Variants in ABCG5 observed in about 807,000 individuals in gnomAD.
ABCG5 encodes ATP binding cassette subfamily G member 5, also known as ATP-binding cassette sub-family G member 5.
ABCG5 carries 64 observed loss-of-function variants against 64.5 expected under a neutral mutation model. That is an observed-to-expected ratio of 0.99 (90% CI 0.81 to 1.22). ABCG5 has a LOEUF of 1.22. ABCG5 is among the 50% of genes most tolerant of loss of function. The pLI is 0.00. For synonymous variants in ABCG5, 385 were observed against 326.3 expected, an observed-to-expected ratio of 1.18 and a Z score of -1.94; for missense variants, 908 against 829.5, an observed-to-expected ratio of 1.09 and a Z score of -1.16.
chr2:43,838,944 A>G, upstream of ABCG5: 2 of 1,286,028 alleles, frequency 1.6e-6, no homozygotes, highest in Non-Finnish European at 2.2e-6. The surrounding 1 kb of genome is among the most constrained non-coding windows in gnomAD (Gnocchi z 4.2). Context: ...GGCCCAGGGC[A>G]GGAGGCCGAG....
intron 7 of ABCG5, 143 bp downstream of exon 7, chr2:43,824,746 G>C: frequency 6.9e-7 from 1 of 1,447,386 alleles, no homozygotes; most frequent in Non-Finnish European, 9.3e-7. Context: ...TCATTGACCC[G>C]GCCAAATTGA....
chr2:43,826,319 C>T (rs1667598402), intron 6 of ABCG5, 63 bp downstream of exon 6: 1 of 1,610,700 alleles, frequency 6.2e-7, no homozygotes, highest in South Asian at 1.1e-5. Context: ...AATCTTGCCC[C>T]TGCCCCTGTG....
Position 43,838,181 on chromosome 2 carries a change from T to C in ABCG5, c.144-226A>G. 3.2e-6 allele frequency: 2 copies of C among 618,710 alleles called. No homozygotes were observed. The highest frequency in any genetic ancestry group is 5.6e-6 in the Non-Finnish European group (2 of 356,214). The allele number at this position is 618,710 out of a possible 1,614,324, so 38.3% of individuals were successfully genotyped here. The stretch of plus-strand genomic sequence containing the variant: ...TGCTGGAGTTGCTCTGAATGTCCTG[T>C]CCGTTTGGCTGCGAGGTGGCTGTCC... On this transcript the variant is annotated intron_variant, in intron 1 of 12. Coordinates refer to ENST00000405322, the MANE Select transcript of ABCG5 (RefSeq NM_022436.3). The surrounding 1 kb of genome is among the most constrained non-coding windows in gnomAD (Gnocchi z 4.2).
chr2:43,810,845 A>G (rs186372148), downstream of ABCG5, among the ~76,000 whole-genome samples: 59 of 152,314 alleles, frequency 3.9e-4, no homozygotes, highest in African/African-American at 1.3e-3. Flanking sequence ...TCTCAGAAAC[A>G]TCACTGACTT....
intron 11 of ABCG5, among the ~76,000 whole-genome samples, chr2:43,818,161 C>T (rs1372251611): frequency 6.6e-6 from 1 of 152,058 alleles, no homozygotes; most frequent in Admixed American, 6.6e-5. Context: ...ACTCAAAATA[C>T]AGTTTCTAGG....
At chr2:43,809,966 G>T (rs773766431), downstream of ABCG5, 5 of 1,280,616 alleles carry the variant, frequency 3.9e-6, no homozygotes, top group Non-Finnish European at 5.0e-6. Flanking sequence ...AGAACCACGT[G>T]TAATTTTTTT....
chr2:43,817,637 C>T (rs760470017), intron 11 of ABCG5, among the ~76,000 whole-genome samples: 70 of 151,078 alleles, frequency 4.6e-4, no homozygotes, highest in Middle Eastern at 3.3e-3. Context: ...AGGCCAGACG[C>T]GGTGGCTCAC....
chr2:43,815,175 C>T (rs569280108), intron 11 of ABCG5, among the ~76,000 whole-genome samples: 18 of 152,176 alleles, frequency 1.2e-4, no homozygotes, highest in African/African-American at 3.9e-4. Context: ...AAGGAGAGAC[C>T]GAACCAACAT....
intron 11 of ABCG5, among the ~76,000 whole-genome samples, chr2:43,816,390 G>A (rs140564673): frequency 1.5e-3 from 231 of 152,248 alleles, no homozygotes; most frequent in African/African-American, 5.2e-3. Context: ...AAGAGAGTGC[G>A]CCTCTAGCCT....
rs1214033245 is a variant in ABCG5, at chr2:43,813,709, G to GTTTTTTT, written c.1763-407_1763-401dup. ...TGTTTTTTTTGGGGTTTTTTTTTTC[G>GTTTTTTT]TTTTTTTTTTTTTTTTTTTTTTTTT... is the stretch of plus-strand genomic sequence containing the variant. On this transcript the variant is annotated intron_variant, in intron 12 of 12. Transcript: ENST00000405322. Among the ~76,000 whole-genome samples, 22 of 34,056 alleles carry GTTTTTTT rather than the reference G, an allele frequency of 6.5e-4. 1 individual carries two copies. Among genetic ancestry groups the GTTTTTTT allele is most frequent in the Non-Finnish European group, 7.0e-4 (13 of 18,612 alleles). 22.3% of individuals were successfully genotyped at this position (34,056 alleles called of 152,430 possible).
Position 43,828,369 on chromosome 2 carries a change from C to T in ABCG5, c.502-254G>A, listed in dbSNP as rs1051430003. The T allele has an allele frequency of 3.8e-5, 19 of 493,654 alleles. 1 individual carries two copies. Among genetic ancestry groups the T allele is most frequent in the South Asian group, 2.4e-4 (12 of 50,334 alleles). The allele number at this position is 493,654 out of a possible 1,614,324, so 30.6% of individuals were successfully genotyped here. The stretch of plus-strand genomic sequence containing the variant: ...CGTCCCCAGAGGCTGGGTGCAGTGG[C>T]TCATGCCTGTAATCCCAATACTTTG... On this transcript the variant is annotated intron_variant, in intron 4 of 12. Coordinates refer to ENST00000405322, the MANE Select transcript of ABCG5 (RefSeq NM_022436.3).
chr2:43,808,985 ACAC>A (rs1666378233), downstream of ABCG5, among the ~76,000 whole-genome samples: 3 of 151,986 alleles, frequency 2.0e-5, no homozygotes, highest in African/African-American at 7.2e-5. Context: ...ACACACACAC[ACAC>A]ACACACACAC....
chr2:43,831,369 C>CGA (rs906518612), intron 4 of ABCG5, among the ~76,000 whole-genome samples: 44 of 152,236 alleles, frequency 2.9e-4, no homozygotes, highest in African/African-American at 9.9e-4. Flanking sequence ...GACTGAGTCT[C>CGA]GCTATGTTGC....
In ABCG5 at chr2:43,838,771, C is replaced by A; in HGVS notation, c.-92G>T. On this transcript the variant is annotated 5_prime_UTR_variant, in exon 1 of 13. Coordinates refer to ENST00000405322, the MANE Select transcript of ABCG5 (RefSeq NM_022436.3). The surrounding 1 kb of genome is among the most constrained non-coding windows in gnomAD (Gnocchi z 4.2). ...GGGGAGCCCGTGGCAGACTGCCCTGCCTGCTCCACCTGACCCCGGAGTCCC... is the reference window on the plus strand; with the variant it reads ...GGGGAGCCCGTGGCAGACTGCCCTGACTGCTCCACCTGACCCCGGAGTCCC... 1 of 1,562,604 alleles carries A rather than the reference C, an allele frequency of 6.4e-7. No individual in the cohort carries two copies. The highest frequency in any genetic ancestry group is 8.7e-7 in the Non-Finnish European group (1 of 1,154,522).
chr2:43,810,551 T>C, downstream of ABCG5: 2 of 977,586 alleles, frequency 2.0e-6, no homozygotes, highest in Non-Finnish European at 2.4e-6. Context: ...TGATTAAAAA[T>C]GATTTATTCT....
downstream of ABCG5, among the ~76,000 whole-genome samples, chr2:43,812,079 C>G (rs529412704): frequency 2.0e-5 from 3 of 151,918 alleles, no homozygotes; most frequent in East Asian, 3.9e-4. Flanking sequence ...GGGTCTTGCT[C>G]TGTCTCTGTT....
chr2:43,836,646 A>G lies in ABCG5; in HGVS notation c.265+1188T>C, dbSNP rs1272482218. Among the ~76,000 whole-genome samples, 4 of 152,162 alleles carry G rather than the reference A, an allele frequency of 2.6e-5. No individual in the cohort carries two copies. In the East Asian group the frequency reaches 5.8e-4, roughly 22 times the overall value. On this transcript the variant is annotated intron_variant, in intron 2 of 12. Coordinates refer to ENST00000405322, the MANE Select transcript of ABCG5 (RefSeq NM_022436.3). Reference sequence around the variant, plus strand: ...CCCTCCCAGGGAATTGCCCTCGGCCACAAGGAGCTGTCTCACCAAAGGCTA... The same window carrying G: ...CCCTCCCAGGGAATTGCCCTCGGCCGCAAGGAGCTGTCTCACCAAAGGCTA...
intron 11 of ABCG5, among the ~76,000 whole-genome samples, chr2:43,816,006 C>T (rs571819222): frequency 1.3e-5 from 2 of 151,846 alleles, no homozygotes; most frequent in East Asian, 3.9e-4. Context: ...TGGTGGCTGC[C>T]TAGTGGCTAG....
intron 4 of ABCG5, among the ~76,000 whole-genome samples, chr2:43,828,913 C>T (rs1265671785): frequency 1.3e-5 from 2 of 150,198 alleles, no homozygotes; most frequent in Non-Finnish European, 3.0e-5. Flanking sequence ...TGCAGTGAGG[C>T]AAGATGGCAC....
Sources: allele counts gnomAD v4.1 joint callset (sites outside exome capture counted in the v4.1 genomes callset), GRCh38; gene constraint gnomAD v4.1.1; non-coding constraint Gnocchi (gnomAD v3.1); transcripts MANE v1.5; gene names NCBI Gene and HGNC (gene_info 2026-07-23, HGNC 2026-07-21).